Variants in LGSN observed in about 807,000 individuals in gnomAD.
LGSN encodes lengsin, lens protein with glutamine synthetase domain.
Under a neutral mutation model 19.5 loss-of-function variants are expected in LGSN, and 21 were observed. The observed-to-expected ratio is 1.07, with a 90% CI of 0.76 to 1.55. LGSN has a LOEUF of 1.55. Ranked by LOEUF, LGSN falls within the 40% of genes most tolerant of loss-of-function variation. The pLI is 0.00. For missense variants in LGSN, 673 were observed against 608.5 expected, an observed-to-expected ratio of 1.11 and a Z score of -1.12; for synonymous variants, 257 against 215.6, an observed-to-expected ratio of 1.19 and a Z score of -1.68.
chr6:63,444,244 C>G, the LGSN span, among the ~76,000 whole-genome samples: 1 of 151,946 alleles, frequency 6.6e-6, no homozygotes, highest in Non-Finnish European at 1.5e-5. Flanking sequence ...GATATGGAAA[C>G]AGAAAGATGA....
the LGSN span, among the ~76,000 whole-genome samples, chr6:63,556,814 C>T: frequency 2.0e-5 from 3 of 152,048 alleles, no homozygotes; most frequent in South Asian, 6.2e-4. Flanking sequence ...ACAAGAAATG[C>T]CCAAATATAA....
the LGSN span, among the ~76,000 whole-genome samples, chr6:63,409,307 T>C: frequency 6.6e-6 from 1 of 152,254 alleles, no homozygotes; most frequent in Non-Finnish European, 1.5e-5. Context: ...GTAATCTTTC[T>C]TTAGATATAT....
the LGSN span, among the ~76,000 whole-genome samples, chr6:63,408,223 T>A: frequency 2.2e-4 from 33 of 151,784 alleles, no homozygotes; most frequent in Non-Finnish European, 4.0e-4. Context: ...CATCGCCAAG[T>A]CAATCCTAAG....
At chr6:63,473,584 A>G in the LGSN span, among the ~76,000 whole-genome samples, 2 of 151,914 alleles carry the variant, frequency 1.3e-5, no homozygotes, top group Non-Finnish European at 2.9e-5. Context: ...CACAACCTAC[A>G]CATAAATAAT....
the LGSN span, among the ~76,000 whole-genome samples, chr6:63,495,050 A>T: frequency 6.6e-6 from 1 of 152,180 alleles, no homozygotes; most frequent in African/African-American, 2.4e-5. Context: ...AACCTATATA[A>T]TAACACATTT....
the LGSN span, chr6:63,396,183 G>A: frequency 6.4e-6 from 1 of 157,046 alleles, no homozygotes; most frequent in Non-Finnish European, 1.4e-5. Flanking sequence ...AGGGTGGAGA[G>A]ACGGGCAAGT....
At chr6:63,491,509 G>A in the LGSN span, among the ~76,000 whole-genome samples, 2 of 152,076 alleles carry the variant, frequency 1.3e-5, no homozygotes, top group African/African-American at 4.8e-5. Flanking sequence ...AAAATAAACT[G>A]GAGAACTGTT....
chr6:63,399,328 T>C, the LGSN span, among the ~76,000 whole-genome samples: 1 of 152,094 alleles, frequency 6.6e-6, no homozygotes, highest in Non-Finnish European at 1.5e-5. Flanking sequence ...TTTCATACAA[T>C]GAAATCACTT....
chr6:63,293,587 T>G (rs1401378490), intron 2 of LGSN: 1 of 349,716 alleles, frequency 2.9e-6, no homozygotes. Flanking sequence ...TTACATTCTC[T>G]CTAATTCAAA....
intron 1 of LGSN, among the ~76,000 whole-genome samples, chr6:63,313,091 T>C (rs1768694150): frequency 6.6e-6 from 1 of 151,402 alleles, no homozygotes; most frequent in Non-Finnish European, 1.5e-5. Context: ...ACTGAGAAAA[T>C]AAGAGATGTA....
chr6:63,277,317 G>T lies in LGSN; in HGVS notation c.*2704C>A, dbSNP rs1219756932. ...GGGATATGCCACTTTATAGGGATGG[G>T]TTAGAGCCAATCCCATTTTTTGGAT... On this transcript the variant is annotated 3_prime_UTR_variant, in exon 4 of 4. Coordinates refer to ENST00000370657, the MANE Select transcript of LGSN (RefSeq NM_016571.3). 6.6e-6 allele frequency: 1 copy of T among 152,156 alleles called. No homozygotes were observed. The highest frequency in any genetic ancestry group is 1.5e-5 in the Non-Finnish European group (1 of 68,024). 9.4% of individuals were successfully genotyped at this position (152,156 alleles called of 1,614,324 possible).
the LGSN span, among the ~76,000 whole-genome samples, chr6:63,530,851 C>T: frequency 6.6e-6 from 1 of 151,936 alleles, no homozygotes; most frequent in Admixed American, 6.6e-5. Context: ...TTAAAACATC[C>T]AAATTGATAC....
At chr6:63,330,610 G>A in the LGSN span, among the ~76,000 whole-genome samples, 1 of 152,164 alleles carries the variant, frequency 6.6e-6, no homozygotes, top group African/African-American at 2.4e-5. Flanking sequence ...AGTTATGGTG[G>A]ACATCATTGA....
At chr6:63,352,387 G>A in the LGSN span, among the ~76,000 whole-genome samples, 1 of 152,110 alleles carries the variant, frequency 6.6e-6, no homozygotes, top group South Asian at 2.1e-4. Context: ...TGTTTGGCCA[G>A]GTGTAGTGAC....
chr6:63,315,884 A>C (rs1768830235), intron 1 of LGSN, among the ~76,000 whole-genome samples: 1 of 151,928 alleles, frequency 6.6e-6, no homozygotes. Flanking sequence ...AAAAAAAAAA[A>C]AAACTCCACA....
the LGSN span, among the ~76,000 whole-genome samples, chr6:63,460,755 C>T: frequency 6.6e-6 from 1 of 152,078 alleles, no homozygotes; most frequent in African/African-American, 2.4e-5. Flanking sequence ...CCCAGCATGC[C>T]CGGTGGAAAA....
the LGSN span, among the ~76,000 whole-genome samples, chr6:63,338,577 T>C: frequency 6.6e-6 from 1 of 152,202 alleles, no homozygotes; most frequent in East Asian, 1.9e-4. Flanking sequence ...TTTTACTTAT[T>C]TGGGTCTTTC....
At chr6:63,318,325 C>T (rs757381049) in intron 1 of LGSN, among the ~76,000 whole-genome samples, 2 of 152,314 alleles carry the variant, frequency 1.3e-5, no homozygotes, top group African/African-American at 2.4e-5. Context: ...TCATGCTGCT[C>T]TTGCTCACAT....
chr6:63,521,079 G>A, the LGSN span, among the ~76,000 whole-genome samples: 13 of 152,006 alleles, frequency 8.6e-5, no homozygotes, highest in Admixed American at 8.5e-4. Flanking sequence ...ACTGGGGCCT[G>A]TCACGGGGTG....
Sources: allele counts gnomAD v4.1 joint callset (sites outside exome capture counted in the v4.1 genomes callset), GRCh38; gene constraint gnomAD v4.1.1; transcripts MANE v1.5; gene names NCBI Gene and HGNC (gene_info 2026-07-23, HGNC 2026-07-21).